METRNL: variants seen among roughly 807,000 people sequenced by gnomAD.
METRNL encodes meteorin-like protein.
In METRNL, 9 loss-of-function variants were observed where a neutral mutation model predicts 17.4. The ratio of observed to expected loss-of-function variants is 0.52; its 90% confidence interval spans 0.31 to 0.90. The LOEUF is 0.90. METRNL is among the 40% of genes least tolerant of loss of function. The pLI, the probability that METRNL is intolerant of heterozygous loss-of-function variation, is 0.05. For synonymous variants in METRNL, 215 were observed against 199.3 expected (o/e 1.08, Z -0.66); for missense variants, 408 against 430.7 (o/e 0.95, Z 0.47).
intron 1 of METRNL, among the ~76,000 whole-genome samples, chr17:83,081,773 C>T (rs1225727746): frequency 1.3e-5 from 2 of 152,184 alleles, no homozygotes; most frequent in Non-Finnish European, 2.9e-5. Context: ...GGAGGGGACA[C>T]GGGGCCCGGC....
At chr17:83,091,440 G>A (rs563075395) in intron 2 of METRNL, among the ~76,000 whole-genome samples, 115 of 152,356 alleles carry the variant, frequency 7.5e-4, no homozygotes, top group Admixed American at 3.5e-3. Context: ...AAAGACCTGC[G>A]CTTGCCCAGT....
intron 2 of METRNL, among the ~76,000 whole-genome samples, chr17:83,088,359 C>T (rs577834142): frequency 6.6e-6 from 1 of 152,320 alleles, no homozygotes; most frequent in East Asian, 1.9e-4. Flanking sequence ...GGGCACCGTT[C>T]AGTGGCTTGG....
intron 2 of METRNL, among the ~76,000 whole-genome samples, chr17:83,085,969 C>T (rs377064693): frequency 2.4e-4 from 36 of 152,290 alleles, no homozygotes; most frequent in East Asian, 9.6e-4. Flanking sequence ...CTTGTGGGTA[C>T]GATAAACAGA....
At position 83,094,431 on chromosome 17, in the gene METRNL, G is replaced by A. The variant is rs368127779; in HGVS notation, c.792G>A (p.Pro264=). ...VRTLLECGVR[P]GHGDFLFTGH... ...CGCTGCTGGAGTGTGGCGTGCGGCCGGGGCATGGCGACTTCCTCTTCACTG... is the reference window on the plus strand; with the variant it reads ...CGCTGCTGGAGTGTGGCGTGCGGCCAGGGCATGGCGACTTCCTCTTCACTG... The change falls in exon 4 of 4, where the codon CCG becomes CCA. Residue 264 remains proline, a synonymous_variant. Transcript: ENST00000320095. The A allele has an allele frequency of 1.4e-5, 22 of 1,598,238 alleles. No homozygotes were observed. The highest frequency in any genetic ancestry group is 3.4e-5 in the Admixed American group (2 of 59,328).
intron 1 of METRNL, chr17:83,084,696 C>G: frequency 1.8e-6 from 1 of 556,988 alleles, no homozygotes. Flanking sequence ...CGGCCCCGCC[C>G]CACCATGGCT....
chr17:83,082,985 C>G (rs550521236), intron 1 of METRNL, among the ~76,000 whole-genome samples: 3 of 152,318 alleles, frequency 2.0e-5, no homozygotes, highest in Admixed American at 2.0e-4. Context: ...GGGTGCAGAC[C>G]CGTCTGAGTG....
intron 2 of METRNL, among the ~76,000 whole-genome samples, chr17:83,090,734 C>T (rs2038123045): frequency 6.6e-6 from 1 of 151,666 alleles, no homozygotes; most frequent in African/African-American, 2.4e-5. Flanking sequence ...ACATGAGGCG[C>T]CCTGGGCTGG....
rs574580331 is a variant in METRNL at position 83,092,224 on chromosome 17, C to T, written c.557-943C>T. Among the ~76,000 whole-genome samples the T allele has an allele frequency of 2.3e-3, 355 of 152,296 alleles. 3 individuals carry two copies. The highest frequency in any genetic ancestry group is 7.1e-3 in the African/African-American group (295 of 41,564). ...CCTCATCCCGCGGCCAGGTGGCATC[C>T]GGGGAAGGGGCCGGGCCGATGGCCC... On this transcript the variant is annotated intron_variant, in intron 2 of 3. Transcript: ENST00000320095.
At chr17:83,082,843 C>T (rs543360815) in intron 1 of METRNL, among the ~76,000 whole-genome samples, 1 of 152,328 alleles carries the variant, frequency 6.6e-6, no homozygotes, top group Non-Finnish European at 1.5e-5. Context: ...CTTTTTTTGT[C>T]TACACGGGTC....
chr17:83,084,274 A>G (rs186183322), intron 1 of METRNL: 5 of 152,320 alleles, frequency 3.3e-5, no homozygotes, highest in Non-Finnish European at 7.3e-5. Context: ...ATCTATGCTT[A>G]ATGAGGTGCT....
At chr17:83,093,684 C>G (rs2038167856) in intron 3 of METRNL, among the ~76,000 whole-genome samples, 1 of 152,154 alleles carries the variant, frequency 6.6e-6, no homozygotes, top group African/African-American at 2.4e-5. Flanking sequence ...GCTTTGGGGT[C>G]CCAGGGCTCC....
chr17:83,085,670 G>A (rs781339174), intron 2 of METRNL, among the ~76,000 whole-genome samples: 1 of 152,228 alleles, frequency 6.6e-6, no homozygotes, highest in Admixed American at 6.5e-5. Context: ...GGCCTTGGCC[G>A]AGCGGGGCCT....
At chr17:83,089,224 C>T (rs142963270) in intron 2 of METRNL, among the ~76,000 whole-genome samples, 3 of 152,042 alleles carry the variant, frequency 2.0e-5, no homozygotes, top group Non-Finnish European at 4.4e-5. Flanking sequence ...CACCCTCCAC[C>T]CCTACCCACT....
chr17:83,085,421 C>G, intron 2 of METRNL, 98 bp downstream of exon 2: 1 of 1,427,146 alleles, frequency 7.0e-7, no homozygotes, highest in Admixed American at 2.4e-5. Flanking sequence ...CTCGTCTGCT[C>G]AGCCTTGGTG....
chr17:83,093,695 A>G (rs1017087406), intron 3 of METRNL, among the ~76,000 whole-genome samples: 2 of 152,120 alleles, frequency 1.3e-5, no homozygotes, highest in Admixed American at 1.3e-4. Flanking sequence ...CCAGGGCTCC[A>G]GCCCCTTTGC....
At chr17:83,080,049 C>T (rs1600481261) in intron 1 of METRNL, 64 bp downstream of exon 1, 2 of 968,310 alleles carry the variant, frequency 2.1e-6, no homozygotes, top group Non-Finnish European at 2.5e-6. Context: ...CGTCCCGGGC[C>T]GGCCGAGCGT....
At chr17:83,093,027 C>T (rs1444232768) in intron 2 of METRNL, 140 bp from the exon 3 acceptor site, 9 of 656,180 alleles carry the variant, frequency 1.4e-5, no homozygotes, top group Admixed American at 7.0e-5. Flanking sequence ...TTTGAAGTGG[C>T]GTTGGTCACA....
chr17:83,083,679 T>A (rs1312983327), intron 1 of METRNL, among the ~76,000 whole-genome samples: 1 of 152,224 alleles, frequency 6.6e-6, no homozygotes, highest in East Asian at 1.9e-4. Flanking sequence ...CACCACCCTC[T>A]GATGTGGCCT....
chr17:83,080,449 G>A (rs1304065573), intron 1 of METRNL, among the ~76,000 whole-genome samples: 2 of 150,328 alleles, frequency 1.3e-5, no homozygotes, highest in African/African-American at 2.4e-5. Context: ...CTTCCGTCTC[G>A]GGGAGCCGCG....
Sources: allele counts gnomAD v4.1 joint callset (sites outside exome capture counted in the v4.1 genomes callset), GRCh38; gene constraint gnomAD v4.1.1; transcripts MANE v1.5; gene names NCBI Gene and HGNC (gene_info 2026-07-23, HGNC 2026-07-21).